The following CACNG1 variants were observed in gnomAD, a reference collection of about 807,000 sequenced individuals.
CACNG1 encodes calcium voltage-gated channel auxiliary subunit gamma 1.
In CACNG1, 21 loss-of-function variants were observed where a neutral mutation model predicts 22.0. The observed-to-expected ratio is 0.95, with a 90% confidence interval of 0.68 to 1.37. CACNG1 has a LOEUF of 1.37. Among genes scored for constraint, CACNG1 ranks in the 40% most tolerant of loss-of-function variants. CACNG1 has a pLI of 0.00. For missense variants in CACNG1, 291 were observed against 308.6 expected (o/e 0.94, Z 0.43); for synonymous variants, 127 against 129.2 (o/e 0.98, Z 0.12).
intron 1 of CACNG1, among the ~76,000 whole-genome samples, chr17:67,047,349 A>G (rs142453412): frequency 4.9e-4 from 75 of 152,346 alleles, no homozygotes; most frequent in African/African-American, 1.7e-3. Flanking sequence ...ATCCAGCAAG[A>G]AAAATGGGTG....
intron 1 of CACNG1, among the ~76,000 whole-genome samples, chr17:67,045,209 C>G (rs1376285173): frequency 6.6e-6 from 1 of 152,216 alleles, no homozygotes; most frequent in African/African-American, 2.4e-5. Context: ...CCCACCTGCT[C>G]ACTCTCTCCC....
rs569918740 is a variant in CACNG1, at chr17:67,054,512, C to T, written c.304+442C>T. ...TGGGCTCTGGGAGCTTTTCAGGATC[C>T]GCAGAGCTCAGACGCACACCCATTG... On this transcript the variant is annotated intron_variant, in intron 2 of 3. Coordinates refer to ENST00000226021, the MANE Select transcript of CACNG1 (RefSeq NM_000727.4). This position sits in a 1 kb window ranked among gnomAD's most constrained non-coding sequence, Gnocchi z 4.6. Among the ~76,000 whole-genome samples the T allele has an allele frequency of 1.8e-4, 27 of 152,268 alleles. No individual in the cohort carries two copies. In the East Asian group the frequency reaches 1.9e-3, roughly 11 times the overall value.
chr17:67,049,123 A>G (rs1168602636), intron 1 of CACNG1, among the ~76,000 whole-genome samples: 1 of 152,218 alleles, frequency 6.6e-6, no homozygotes, highest in African/African-American at 2.4e-5. Flanking sequence ...TAGACACATG[A>G]TAATCAAACT....
Position 67,055,381 on chromosome 17 carries a change from A to G in CACNG1, c.442+141A>G. On this transcript the variant is annotated intron_variant, in intron 3 of 3. Transcript: ENST00000226021. The surrounding 1 kb of genome is among the most constrained non-coding windows in gnomAD (Gnocchi z 4.5). ...TCCCCATCCAGGGGCAAACCTGGCC[A>G]GGCCATCAGCGACTCCAGGTGGGTT... 1 of 974,912 alleles carries G rather than the reference A, an allele frequency of 1.0e-6. No homozygotes were observed. The highest frequency in any genetic ancestry group is 1.5e-6 in the Non-Finnish European group (1 of 677,376). The allele number at this position is 974,912 out of a possible 1,614,324, so 60.4% of individuals were successfully genotyped here.
rs992151256 is a variant in CACNG1, at chr17:67,054,605, A to T, written c.305-498A>T. Among the ~76,000 whole-genome samples the T allele has an allele frequency of 6.6e-6, 1 of 152,080 alleles. No homozygotes were observed. Among genetic ancestry groups the T allele is most frequent in the African/African-American group, 2.4e-5 (1 of 41,404 alleles). ...ACACAGGGTGAGTGGGCAGACACAC[A>T]GACACACACTGACACACACAGACAC... On this transcript the variant is annotated intron_variant, in intron 2 of 3. Coordinates refer to ENST00000226021, the MANE Select transcript of CACNG1 (RefSeq NM_000727.4). The surrounding 1 kb of genome is among the most constrained non-coding windows in gnomAD (Gnocchi z 4.6).
In CACNG1 at chr17:67,056,462, A is replaced by T; in HGVS notation, c.*191A>T. 1 of 603,204 alleles carries T rather than the reference A, an allele frequency of 1.7e-6. No homozygotes were observed. Among genetic ancestry groups the T allele is most frequent in the Non-Finnish European group, 2.9e-6 (1 of 340,338 alleles). 37.4% of individuals were successfully genotyped at this position (603,204 alleles called of 1,614,324 possible). ...CCGCAGGCTCCCCTGGGAATAGAGCAAGACGTGAGTCCTAACCTGGCCACA... is the reference window on the plus strand; with the variant it reads ...CCGCAGGCTCCCCTGGGAATAGAGCTAGACGTGAGTCCTAACCTGGCCACA... On this transcript the variant is annotated 3_prime_UTR_variant, in exon 4 of 4. Coordinates refer to ENST00000226021, the MANE Select transcript of CACNG1 (RefSeq NM_000727.4). The surrounding 1 kb of genome is among the most constrained non-coding windows in gnomAD (Gnocchi z 4.3).
chr17:67,048,053 T>C (rs563984657), intron 1 of CACNG1, among the ~76,000 whole-genome samples: 2 of 152,276 alleles, frequency 1.3e-5, no homozygotes, highest in South Asian at 2.1e-4. Context: ...GGGATCTCAG[T>C]GATCACACAT....
In CACNG1 at chr17:67,055,161, C is replaced by A. The variant is rs143842742; in HGVS notation, c.363C>A (p.Gly121=). The A allele has an allele frequency of 2.5e-4, 401 of 1,614,216 alleles. 3 individuals carry two copies. In the African/African-American group the frequency reaches 4.7e-3, roughly 19 times the overall value. Residue 121 remains glycine, a synonymous_variant, in exon 3 of 4, where the codon GGC becomes GGA. Transcript: ENST00000226021. The surrounding 1 kb of genome is among the most constrained non-coding windows in gnomAD (Gnocchi z 4.5). ...AIFSLGFIIL[G]SLCVLLSLGK... ...TCAGCCTTGGCTTCATCATCCTGGG[C>A]AGCCTCTGTGTCCTCCTGTCCCTCG... is the stretch of plus-strand genomic sequence containing the variant.
At chr17:67,051,360 C>G (rs1322265476) in intron 1 of CACNG1, among the ~76,000 whole-genome samples, 1 of 152,170 alleles carries the variant, frequency 6.6e-6, no homozygotes, top group Admixed American at 6.5e-5. Context: ...GACGTGCCCC[C>G]ACCCCTACAG....
intron 1 of CACNG1, among the ~76,000 whole-genome samples, chr17:67,049,465 AC>A (rs1440883081): frequency 6.6e-6 from 1 of 152,180 alleles, no homozygotes; most frequent in Non-Finnish European, 1.5e-5. Flanking sequence ...CTACTTTACA[AC>A]AACCCAGTGA....
chr17:67,045,885 CAG>C (rs1237786108), intron 1 of CACNG1, among the ~76,000 whole-genome samples: 1 of 152,200 alleles, frequency 6.6e-6, no homozygotes, highest in East Asian at 1.9e-4. Flanking sequence ...CAGACCCTGT[CAG>C]AGTTACAAAG....
At chr17:67,051,313 TGCCTG>T (rs1368272298) in intron 1 of CACNG1, among the ~76,000 whole-genome samples, 1 of 152,156 alleles carries the variant, frequency 6.6e-6, no homozygotes, top group African/African-American at 2.4e-5. Context: ...CATGGGCAGA[TGCCTG>T]GCCTGATTTG....
Position 67,056,362 on chromosome 17 carries a change from T to C in CACNG1, c.*91T>C. 8.7e-7 allele frequency: 1 copy of C among 1,146,320 alleles called. No homozygotes were observed. Among genetic ancestry groups the C allele is most frequent in the South Asian group, 1.3e-5 (1 of 74,486 alleles). 71.0% of individuals were successfully genotyped at this position (1,146,320 alleles called of 1,614,324 possible). A position where few individuals can be genotyped will look rare whatever the true frequency, so the allele number is the denominator to read the frequency against. ...TCCAGAGAGGAGGCGGGAGCAATTT[T>C]AGCCCCACCCTGCTCCCATCTGCCC... On this transcript the variant is annotated 3_prime_UTR_variant, in exon 4 of 4. Transcript: ENST00000226021. This position sits in a 1 kb window ranked among gnomAD's most constrained non-coding sequence, Gnocchi z 4.3.
rs1407178565 is a variant in CACNG1 at position 67,054,560 on chromosome 17, G to A, written c.304+490G>A. ...TTGTCGGGAGTACAGACCCGTGCCT[G>A]CCTGCGCCCAGACAGCTGCACACAG... On this transcript the variant is annotated intron_variant, in intron 2 of 3. Transcript: ENST00000226021. The surrounding 1 kb of genome is among the most constrained non-coding windows in gnomAD (Gnocchi z 4.6). 6.6e-6 allele frequency among the ~76,000 whole-genome samples: 1 copy of A among 152,092 alleles called. No homozygotes were observed. The highest frequency in any genetic ancestry group is 1.5e-5 in the Non-Finnish European group (1 of 68,010).
At position 67,048,529 on chromosome 17, in the gene CACNG1, C is replaced by T. The variant is rs979507994; in HGVS notation, c.229+3640C>T. The stretch of plus-strand genomic sequence containing the variant: ...AAATACATACATAAATAATACAAGA[C>T]ACACAAAGAACTAAAATGATAAGGG... On this transcript the variant is annotated intron_variant, in intron 1 of 3. Coordinates refer to ENST00000226021, the MANE Select transcript of CACNG1 (RefSeq NM_000727.4). 9.2e-5 allele frequency among the ~76,000 whole-genome samples: 14 copies of T among 152,060 alleles called. No individual in the cohort carries two copies. The South Asian group carries it at 2.9e-3, about 32-fold the overall frequency.
intron 1 of CACNG1, among the ~76,000 whole-genome samples, chr17:67,051,275 G>A (rs868671789): frequency 6.6e-6 from 1 of 152,118 alleles, no homozygotes; most frequent in African/African-American, 2.4e-5. Context: ...CTGTCCATCT[G>A]AACAGGACCC....
rs1019596050 is a variant in CACNG1, at chr17:67,054,552, C to A, written c.304+482C>A. 1.3e-5 allele frequency among the ~76,000 whole-genome samples: 2 copies of A among 152,102 alleles called. No individual in the cohort carries two copies. The highest frequency in any genetic ancestry group is 2.9e-5 in the Non-Finnish European group (2 of 68,008). On this transcript the variant is annotated intron_variant, in intron 2 of 3. Coordinates refer to ENST00000226021, the MANE Select transcript of CACNG1 (RefSeq NM_000727.4). This position sits in a 1 kb window ranked among gnomAD's most constrained non-coding sequence, Gnocchi z 4.6. ...CACACCCATTGTCGGGAGTACAGAC[C>A]CGTGCCTGCCTGCGCCCAGACAGCT...
chr17:67,049,057 C>A (rs2035713351), intron 1 of CACNG1, among the ~76,000 whole-genome samples: 1 of 152,098 alleles, frequency 6.6e-6, no homozygotes, highest in African/African-American at 2.4e-5. Context: ...TAAAAATCGA[C>A]AAATTTATGA....
At position 67,055,217 on chromosome 17, in the gene CACNG1, C is replaced by T; in HGVS notation, c.419C>T (p.Ala140Val). Reference protein sequence around the residue: ...GKKRDYLLRPASMFYAFAGLC... With the variant: ...GKKRDYLLRPVSMFYAFAGLC... ...AAGAGGGACTATCTGCTGCGACCCG[C>T]GTCCATGTTCTATGCCTTTGCAGGT... The change falls in exon 3 of 4, where the codon GCG (alanine) becomes GTG (valine). Residue 140 changes from alanine (A) to valine (V), a missense_variant. By Grantham distance (64) the Ala-to-Val change is moderately conservative. Transcript: ENST00000226021. This position sits in a 1 kb window ranked among gnomAD's most constrained non-coding sequence, Gnocchi z 4.5. 2 of 1,614,092 alleles carry T rather than the reference C, an allele frequency of 1.2e-6. No individual in the cohort carries two copies. Among genetic ancestry groups the T allele is most frequent in the South Asian group, 1.1e-5 (1 of 91,078 alleles).
Sources: gnomAD v4.1 joint callset for allele counts (sites outside exome capture counted in the v4.1 genomes callset) on GRCh38, gnomAD v4.1.1 for gene constraint, Gnocchi (gnomAD v3.1) non-coding constraint, MANE v1.5 for transcripts, NCBI Gene and HGNC (gene_info 2026-07-23, HGNC 2026-07-21) for gene names.